The following CYP7B1 variants were observed in gnomAD, a reference collection of about 807,000 sequenced individuals.
CYP7B1 encodes the protein cytochrome P450 family 7 subfamily B member 1.
CYP7B1 carries 29 observed loss-of-function variants against 42.7 expected under a neutral mutation model. That is an observed-to-expected ratio of 0.68 (90% confidence interval 0.51 to 0.93). The LOEUF is 0.93. Among genes scored for constraint, CYP7B1 ranks in the 40% least tolerant of loss-of-function variants. The pLI, the probability that CYP7B1 is intolerant of heterozygous loss-of-function variation, is 0.00. For synonymous variants in CYP7B1, 235 were observed against 218.2 expected, an observed-to-expected ratio of 1.08 and a Z score of -0.68; for missense variants, 655 against 600.5, an observed-to-expected ratio of 1.09 and a Z score of -0.95.
At chr8:64,782,873 G>A (rs1007948283) in intron 1 of CYP7B1, among the ~76,000 whole-genome samples, 1 of 152,088 alleles carries the variant, frequency 6.6e-6, no homozygotes, top group African/African-American at 2.4e-5. Context: ...TACACAATGA[G>A]AATGTTCTCT....
intron 1 of CYP7B1, among the ~76,000 whole-genome samples, chr8:64,628,004 T>C (rs554491432): frequency 6.6e-6 from 1 of 152,292 alleles, no homozygotes; most frequent in African/African-American, 2.4e-5. Context: ...AAATACACAC[T>C]GCCCATGGCT....
rs150747818 is a variant in CYP7B1, at chr8:64,665,180, A to G, written c.123-40641T>C. ...GTCAGGTTCTGTATGCAGTACTCCA[A>G]TTAAAAGTTATGATTTTTGCCCTCC... On this transcript the variant is annotated intron_variant, in intron 1 of 5. Transcript: ENST00000310193. Among the ~76,000 whole-genome samples, 45 of 152,320 alleles carry G rather than the reference A, an allele frequency of 3.0e-4. No homozygotes were observed. The East Asian group carries it at 7.9e-3, about 27-fold the overall frequency.
At chr8:64,742,176 TTAAATA>T (rs1807579967) in intron 1 of CYP7B1, among the ~76,000 whole-genome samples, 1 of 151,832 alleles carries the variant, frequency 6.6e-6, no homozygotes, top group African/African-American at 2.4e-5. Context: ...TACTGTCAAT[TTAAATA>T]TAATTTTTAA....
intron 1 of CYP7B1, among the ~76,000 whole-genome samples, chr8:64,765,708 T>C (rs1012059083): frequency 3.3e-5 from 5 of 152,336 alleles, no homozygotes; most frequent in Admixed American, 1.3e-4. Flanking sequence ...GCTCTTGGAC[T>C]AATGCTCGTC....
At chr8:64,611,153 T>C (rs1805357495) in intron 4 of CYP7B1, among the ~76,000 whole-genome samples, 1 of 152,072 alleles carries the variant, frequency 6.6e-6, no homozygotes, top group Non-Finnish European at 1.5e-5. Context: ...TCCTCTCCGC[T>C]CTCAGCTGGG....
intron 2 of CYP7B1, among the ~76,000 whole-genome samples, chr8:64,619,818 G>T (rs998712304): frequency 6.6e-6 from 1 of 152,078 alleles, no homozygotes; most frequent in Non-Finnish European, 1.5e-5. Flanking sequence ...TGACATCTGG[G>T]TCATTATAAA....
chr8:64,711,734 T>C (rs917674139), intron 1 of CYP7B1, among the ~76,000 whole-genome samples: 1 of 152,160 alleles, frequency 6.6e-6, no homozygotes, highest in African/African-American at 2.4e-5. Context: ...CTTCCTTCTA[T>C]AAAACAATAT....
At chr8:64,655,545 A>C (rs952133473) in intron 1 of CYP7B1, among the ~76,000 whole-genome samples, 2 of 152,224 alleles carry the variant, frequency 1.3e-5, no homozygotes, top group African/African-American at 2.4e-5. Flanking sequence ...AGTTGTGGAG[A>C]AAAGGGAACC....
chr8:64,722,082 C>T (rs955229459), intron 1 of CYP7B1, among the ~76,000 whole-genome samples: 2 of 152,212 alleles, frequency 1.3e-5, no homozygotes, highest in Non-Finnish European at 2.9e-5. Context: ...AGTTCAGAAA[C>T]TATAATTAAT....
chr8:64,723,510 G>A (rs1327009964), intron 1 of CYP7B1, among the ~76,000 whole-genome samples: 1 of 152,064 alleles, frequency 6.6e-6, no homozygotes, highest in Non-Finnish European at 1.5e-5. Flanking sequence ...CCTAATCCAG[G>A]GTTGAAATCT....
chr8:64,784,923 A>G (rs1419721323), intron 1 of CYP7B1, among the ~76,000 whole-genome samples: 1 of 152,234 alleles, frequency 6.6e-6, no homozygotes, highest in Non-Finnish European at 1.5e-5. Flanking sequence ...CTGCAAGGAC[A>G]CTGTTAAAAG....
At chr8:64,608,071 T>G (rs1027108123) in intron 4 of CYP7B1, among the ~76,000 whole-genome samples, 2 of 152,220 alleles carry the variant, frequency 1.3e-5, no homozygotes, top group African/African-American at 4.8e-5. Context: ...CACTACATTC[T>G]TCACCTGGCT....
At chr8:64,686,535 C>T (rs1437553516) in intron 1 of CYP7B1, among the ~76,000 whole-genome samples, 2 of 60,142 alleles carry the variant, frequency 3.3e-5, no homozygotes, top group African/African-American at 1.5e-4. Context: ...CGGCCAGCCA[C>T]CCCGTCCGGG....
chr8:64,746,614 C>A (rs934319544), intron 1 of CYP7B1, among the ~76,000 whole-genome samples: 1 of 152,118 alleles, frequency 6.6e-6, no homozygotes, highest in Non-Finnish European at 1.5e-5. Context: ...GACAGCAAGA[C>A]AATTGTTACC....
At chr8:64,677,378 G>A (rs1806462203) in intron 1 of CYP7B1, among the ~76,000 whole-genome samples, 1 of 124,224 alleles carries the variant, frequency 8.0e-6, no homozygotes, top group Admixed American at 9.9e-5. Context: ...CAGCTAATAA[G>A]AGCTAAAAGT....
At chr8:64,680,786 AATGTT>A (rs963078653) in intron 1 of CYP7B1, among the ~76,000 whole-genome samples, 2 of 152,208 alleles carry the variant, frequency 1.3e-5, no homozygotes, top group African/African-American at 4.8e-5. Flanking sequence ...AACATTTAAC[AATGTT>A]ATGTTATATT....
At chr8:64,739,003 A>G (rs891456413) in intron 1 of CYP7B1, among the ~76,000 whole-genome samples, 1 of 152,228 alleles carries the variant, frequency 6.6e-6, no homozygotes, top group Admixed American at 6.5e-5. Context: ...GAAGAGCTAA[A>G]ACAGATTCCC....
In CYP7B1 at chr8:64,596,913, C is replaced by T. The variant is rs121908611; in HGVS notation, c.1250G>A (p.Arg417His). 69 of 1,611,146 alleles carry T rather than the reference C, an allele frequency of 4.3e-5. No homozygotes were observed. Among genetic ancestry groups the T allele is most frequent in the East Asian group, 8.9e-5 (4 of 44,848 alleles). The change falls in exon 6 of 6, where the codon CGT becomes CAT. Residue 417 changes from arginine (R) to histidine (H), a missense_variant. Physicochemically the swap from Arg to His is conservative, Grantham distance 29. Coordinates refer to ENST00000310193, the MANE Select transcript of CYP7B1 (RefSeq NM_004820.5). Reference protein sequence around the residue: ...FEAPEEFRYDRFIEDGKKKTT... With the variant: ...FEAPEEFRYDHFIEDGKKKTT... ...TTTCTTCTTACCATCTTCTATAAAACGATCATATCTAAACTCCTGTAAGGA... is the reference window on the plus strand; with the variant it reads ...TTTCTTCTTACCATCTTCTATAAAATGATCATATCTAAACTCCTGTAAGGA...
At chr8:64,656,007 T>G (rs1237150509) in intron 1 of CYP7B1, among the ~76,000 whole-genome samples, 1 of 151,944 alleles carries the variant, frequency 6.6e-6, no homozygotes, top group Non-Finnish European at 1.5e-5. Flanking sequence ...TGGGGTCTAC[T>G]TGAGGGTGGA....
Sources: gnomAD v4.1 joint callset for allele counts (sites outside exome capture counted in the v4.1 genomes callset) on GRCh38, gnomAD v4.1.1 for gene constraint, MANE v1.5 for transcripts, NCBI Gene and HGNC (gene_info 2026-07-23, HGNC 2026-07-21) for gene names.